DDX10: variants seen among roughly 807,000 people sequenced by gnomAD.
The protein encoded by DDX10 is DEAD-box helicase 10.
A neutral mutation model predicts 104.3 loss-of-function variants in DDX10; 74 were observed. The ratio of observed to expected loss-of-function variants is 0.71; its 90% confidence interval spans 0.59 to 0.86. The LOEUF is 0.86. Ranked by LOEUF, DDX10 falls within the 40% of genes least tolerant of loss-of-function variation. The pLI, the probability that DDX10 is intolerant of heterozygous loss-of-function variation, is 0.00. For missense variants in DDX10, 952 were observed against 1,040.0 expected (o/e 0.92, Z 1.16); for synonymous variants, 351 against 353.4 (o/e 0.99, Z 0.08).
At chr11:108,831,421 C>CAAAA (rs779264219) in intron 13 of DDX10, among the ~76,000 whole-genome samples, 72 of 69,762 alleles carry the variant, frequency 1.0e-3, no homozygotes, top group East Asian at 1.7e-3. Context: ...GAGACTGTCT[C>CAAAA]AAAAAAAAAA....
intron 16 of DDX10, among the ~76,000 whole-genome samples, chr11:108,879,375 T>C (rs1321644913): frequency 2.6e-5 from 4 of 152,196 alleles, no homozygotes; most frequent in Non-Finnish European, 4.4e-5. Flanking sequence ...CTTACAAAGA[T>C]AAACAGGTAG....
In DDX10 at chr11:108,852,186, G is replaced by C. The variant is rs1306300717; in HGVS notation, c.2281G>C (p.Glu761Gln). ...KRLKEREARR[E>Q]ANKRQAKAKD... ...ACTGAAAGAAAGGGAAGCCAGAAGA[G>C]AAGCCAACAAGAGACAAGCAAAGGT... Residue 761 changes from glutamate (E) to glutamine (Q), a missense_variant, in exon 16 of 18, where the codon GAA becomes CAA. This residue lies in a region of DDX10 where 533 missense variants were observed against 534.1 expected (regional missense o/e 1.00). Coordinates refer to ENST00000322536, the MANE Select transcript of DDX10 (RefSeq NM_004398.4). 6.2e-7 allele frequency: 1 copy of C among 1,611,486 alleles called. No homozygotes were observed. The highest frequency in any genetic ancestry group is 8.5e-7 in the Non-Finnish European group (1 of 1,178,420).
At chr11:108,825,827 G>T (rs1249294588) in intron 13 of DDX10, among the ~76,000 whole-genome samples, 1 of 152,178 alleles carries the variant, frequency 6.6e-6, no homozygotes. Flanking sequence ...CTGGTAGTTT[G>T]TGTCTTAATA....
intron 6 of DDX10, among the ~76,000 whole-genome samples, chr11:108,681,136 T>C (rs565981470): frequency 3.9e-4 from 60 of 152,346 alleles, no homozygotes; most frequent in Non-Finnish European, 6.8e-4. Context: ...ATTTTTTTAA[T>C]CATTAGATGT....
At chr11:108,693,346 T>C (rs1196347845) in intron 8 of DDX10, among the ~76,000 whole-genome samples, 170 bp from the exon 9 acceptor site, 2 of 152,224 alleles carry the variant, frequency 1.3e-5, no homozygotes, top group Non-Finnish European at 2.9e-5. Flanking sequence ...AAGAGAAATG[T>C]TTACTATCTC....
rs758323826 is a variant in DDX10, at chr11:108,796,657, T to G, written c.1966-41789T>G. ...TGAAATTAATTCTGGTCTCATTTCC[T>G]TTGGTATGTAAAGAGAGAATAGCCT... On this transcript the variant is annotated intron_variant, in intron 13 of 17. Coordinates refer to ENST00000322536, the MANE Select transcript of DDX10 (RefSeq NM_004398.4). 1.7e-4 allele frequency among the ~76,000 whole-genome samples: 26 copies of G among 152,208 alleles called. 1 individual carries two copies. Among genetic ancestry groups the G allele is most frequent in the Non-Finnish European group, 2.8e-4 (19 of 68,044 alleles).
intron 13 of DDX10, among the ~76,000 whole-genome samples, chr11:108,817,517 C>G (rs911300953): frequency 3.3e-5 from 5 of 152,116 alleles, no homozygotes; most frequent in African/African-American, 1.2e-4. Flanking sequence ...ACTCCCTAGC[C>G]CCTTACTCAC....
chr11:108,885,497 A>G (rs1377553367), intron 16 of DDX10, among the ~76,000 whole-genome samples: 4 of 151,700 alleles, frequency 2.6e-5, no homozygotes, highest in African/African-American at 9.7e-5. Context: ...AGCTGGGATT[A>G]CAGGTGCCCG....
rs186468297 is a variant in DDX10 at position 108,679,281 on chromosome 11, C to G, written c.659-90C>G. ...CAGTTTTTCCGCTAATGTTCTTTTT[C>G]TGTTTTAGGATCCAATCCAGGATAC... On this transcript the variant is annotated intron_variant, in intron 5 of 17. Coordinates refer to ENST00000322536, the MANE Select transcript of DDX10 (RefSeq NM_004398.4). 99 of 1,106,462 alleles carry G rather than the reference C, an allele frequency of 8.9e-5. No individual in the cohort carries two copies. In the African/African-American group the frequency reaches 1.5e-3, roughly 17 times the overall value. The allele number at this position is 1,106,462 out of a possible 1,614,324, so 68.5% of individuals were successfully genotyped here.
chr11:108,890,384 T>C (rs1248910752), intron 16 of DDX10, among the ~76,000 whole-genome samples: 4 of 152,142 alleles, frequency 2.6e-5, no homozygotes, highest in Non-Finnish European at 5.9e-5. Context: ...ACAAATGGTG[T>C]CTGTGTAGTA....
chr11:108,734,018 GCTTAT>G (rs2094315447), intron 13 of DDX10, among the ~76,000 whole-genome samples: 1 of 152,040 alleles, frequency 6.6e-6, no homozygotes, highest in Admixed American at 6.6e-5. Context: ...AAGATGCAGT[GCTTAT>G]CTTGTCTCTT....
intron 6 of DDX10, among the ~76,000 whole-genome samples, chr11:108,682,670 A>G (rs552626972): frequency 6.6e-6 from 1 of 152,296 alleles, no homozygotes; most frequent in Non-Finnish European, 1.5e-5. Context: ...CTTAAGCCCC[A>G]TAAGCCACTG....
chr11:108,915,440 T>C (rs1863734516), intron 16 of DDX10, among the ~76,000 whole-genome samples: 1 of 104,024 alleles, frequency 9.6e-6, no homozygotes, highest in South Asian at 2.8e-4. Context: ...TTGTTTTTTT[T>C]TTTTTGGTTT....
intron 7 of DDX10, among the ~76,000 whole-genome samples, chr11:108,689,752 A>G (rs535580177): frequency 1.5e-4 from 23 of 152,312 alleles, no homozygotes; most frequent in Non-Finnish European, 2.6e-4. Flanking sequence ...CTCCTGTACT[A>G]TATTTCAGAT....
At chr11:108,893,507 A>G (rs1477893418) in intron 16 of DDX10, among the ~76,000 whole-genome samples, 2 of 152,010 alleles carry the variant, frequency 1.3e-5, no homozygotes, top group African/African-American at 4.8e-5. Context: ...ATGTTAACCC[A>G]TAAATAATGA....
rs1353527623 is a variant in DDX10 at position 108,868,957 on chromosome 11, A to T, written c.2304+16748A>T. Among the ~76,000 whole-genome samples the T allele has an allele frequency of 2.3e-5, 3 of 127,706 alleles. No individual in the cohort carries two copies. In the East Asian group the frequency reaches 7.0e-4, roughly 30 times the overall value. The allele number at this position is 127,706 out of a possible 152,430, so 83.8% of individuals were successfully genotyped here. A position where few individuals can be genotyped will look rare whatever the true frequency, so the allele number is the denominator to read the frequency against. Reference sequence around the variant, plus strand: ...GAGGTAAATCCCCTAGCCACAATTAAGAATTAAGCTTTTTTTTTTTTTTTT... The same window carrying T: ...GAGGTAAATCCCCTAGCCACAATTATGAATTAAGCTTTTTTTTTTTTTTTT... On this transcript the variant is annotated intron_variant, in intron 16 of 17. Transcript: ENST00000322536.
At chr11:108,807,403 G>A (rs983722053) in intron 13 of DDX10, among the ~76,000 whole-genome samples, 1 of 152,148 alleles carries the variant, frequency 6.6e-6, no homozygotes, top group Non-Finnish European at 1.5e-5. Flanking sequence ...GAGACTCGAG[G>A]AAGAGAAACC....
intron 13 of DDX10, among the ~76,000 whole-genome samples, chr11:108,810,470 T>G (rs1368477178): frequency 6.6e-6 from 1 of 152,052 alleles, no homozygotes; most frequent in African/African-American, 2.4e-5. Flanking sequence ...TAAATTTGGT[T>G]TGGAGGACTA....
At chr11:108,818,778 A>C (rs985431159) in intron 13 of DDX10, among the ~76,000 whole-genome samples, 16 of 152,178 alleles carry the variant, frequency 1.1e-4, no homozygotes, top group African/African-American at 3.1e-4. Flanking sequence ...AATGCCAAAG[A>C]TTGATTTTAT....
Sources: gnomAD v4.1 joint callset for allele counts (sites outside exome capture counted in the v4.1 genomes callset) on GRCh38, gnomAD v4.1.1 for gene constraint, gnomAD v4.1.1 regional missense constraint, MANE v1.5 for transcripts, NCBI Gene and HGNC (gene_info 2026-07-23, HGNC 2026-07-21) for gene names.